Variants in HUWE1 observed in about 807,000 individuals in gnomAD.
The protein encoded by HUWE1 is E3 ubiquitin-protein ligase HUWE1.
HUWE1 carries 18 observed loss-of-function variants against 299.4 expected under a neutral mutation model. That is an observed-to-expected ratio of 0.06 (90% CI 0.04 to 0.09). HUWE1 has a LOEUF of 0.09. HUWE1 is among the 10% of genes least tolerant of loss of function. HUWE1 has a pLI of 1.00. For synonymous variants in HUWE1, 1,317 were observed against 1,286.1 expected (o/e 1.02, Z -0.51); for missense variants, 1,832 against 3,462.3 (o/e 0.53, Z 11.82).
chrX:53,601,297 T>C (rs1222714769), intron 28 of HUWE1, among the ~76,000 whole-genome samples: 2 of 109,466 alleles, frequency 1.8e-5, no homozygotes, highest in South Asian at 8.0e-4. Context: ...TCCTCCCACC[T>C]CAGCCTCCCT....
At chrX:53,674,644 T>C in intron 3 of HUWE1, among the ~76,000 whole-genome samples, 1 of 112,179 alleles carries the variant, frequency 8.9e-6, no homozygotes, top group Non-Finnish European at 1.9e-5. Context: ...CAAAACTCTG[T>C]GACATTCTCT....
At chrX:53,575,566 G>A in intron 45 of HUWE1, 77 bp downstream of exon 45, 5 of 1,012,630 alleles carry the variant, frequency 4.9e-6, no homozygotes, top group Non-Finnish European at 5.6e-6. Flanking sequence ...AATTCCCCGG[G>A]GATAGCCCTA....
Position 53,643,106 on chromosome X carries a change from G to A in HUWE1, c.504+2205C>T, listed in dbSNP as rs1178860075. 2.7e-5 allele frequency among the ~76,000 whole-genome samples: 3 copies of A among 112,166 alleles called. No individual in the cohort carries two copies. In the Admixed American group the frequency reaches 2.8e-4, roughly 11 times the overall value. ...GCAGTGTGTTGATTTATATTCTAGTGTAAGGGCCTAAGGAGTAGCCTGGAG... is the reference window on the plus strand; with the variant it reads ...GCAGTGTGTTGATTTATATTCTAGTATAAGGGCCTAAGGAGTAGCCTGGAG... On this transcript the variant is annotated intron_variant, in intron 7 of 83. Coordinates refer to ENST00000262854, the MANE Select transcript of HUWE1 (RefSeq NM_031407.7).
intron 49 of HUWE1, among the ~76,000 whole-genome samples, chrX:53,566,549 C>G (rs187891623): frequency 9.0e-6 from 1 of 111,070 alleles, no homozygotes; most frequent in East Asian, 2.8e-4. Flanking sequence ...AAGTGGAAAT[C>G]TAACAGAAAC....
At chrX:53,617,532 A>G in intron 19 of HUWE1, 86 bp from the exon 20 acceptor site, 1 of 574,692 alleles carries the variant, frequency 1.7e-6, no homozygotes, top group Non-Finnish European at 3.0e-6. Flanking sequence ...AAAAAAATAC[A>G]TACTCAATGT....
intron 17 of HUWE1, 38 bp from the exon 18 acceptor site, chrX:53,625,296 C>A: frequency 1.1e-6 from 1 of 929,628 alleles, no homozygotes; most frequent in South Asian, 2.0e-5. Flanking sequence ...ATGCTGAGTT[C>A]GCCATTAAAC....
chrX:53,587,878 C>T (rs980311406), intron 37 of HUWE1, among the ~76,000 whole-genome samples: 4 of 111,835 alleles, frequency 3.6e-5, no homozygotes, highest in Non-Finnish European at 7.5e-5. Context: ...CCAAACCACT[C>T]TCTTGCCTCA....
intron 67 of HUWE1, 129 bp from the exon 68 acceptor site, chrX:53,548,402 A>T: frequency 1.3e-6 from 1 of 774,389 alleles, no homozygotes; most frequent in East Asian, 3.5e-5. Flanking sequence ...GGGATATGTC[A>T]TATAAGAGTT....
At chrX:53,539,246 C>T (rs1259687109) in intron 75 of HUWE1, among the ~76,000 whole-genome samples, 166 bp from the exon 76 acceptor site, 10 of 102,368 alleles carry the variant, frequency 9.8e-5, no homozygotes, top group Non-Finnish European at 2.0e-4. Context: ...TTTGGGAGGC[C>T]GAGGTGGGAA....
In HUWE1 at chrX:53,583,778, C is replaced by T; in HGVS notation, c.5300G>A (p.Gly1767Glu). ...CAAAGTATCTGGGTCCACAGGGACT[C>T]CCAGCATGCTCACGCAGGCCCGGAT... Reference protein sequence around the residue: ...VLIRACVSMLGVPVDPDTLHA... With the variant: ...VLIRACVSMLEVPVDPDTLHA... Residue 1767 changes from glycine (G) to glutamate (E), a missense_variant, in exon 42 of 84, where the codon GGA becomes GAA. This residue lies in a region of HUWE1 where 50 missense variants were observed against 114.9 expected (regional missense o/e 0.44). Coordinates refer to ENST00000262854, the MANE Select transcript of HUWE1 (RefSeq NM_031407.7). 2.5e-6 allele frequency: 3 copies of T among 1,209,928 alleles called. No individual in the cohort carries two copies. The highest frequency in any genetic ancestry group is 3.4e-6 in the Non-Finnish European group (3 of 894,408).
At chrX:53,615,319 C>T (rs893657885) in intron 22 of HUWE1, among the ~76,000 whole-genome samples, 1 of 109,527 alleles carries the variant, frequency 9.1e-6, no homozygotes, top group East Asian at 2.8e-4. Flanking sequence ...CCTCCGCCTC[C>T]CGAGTTCAAG....
In HUWE1 at chrX:53,535,368, G is replaced by C. The variant is rs190851126; in HGVS notation, c.12649+16C>G. On this transcript the variant is annotated intron_variant, in intron 81 of 83. Coordinates refer to ENST00000262854, the MANE Select transcript of HUWE1 (RefSeq NM_031407.7). ...CTCATATTGAGCAACTAGAGGTCTA[G>C]GAACATTTCCCCTACCTGTCATTCT... 1.7e-3 allele frequency: 1,778 copies of C among 1,032,290 alleles called. 33 individuals carry two copies. In the Middle Eastern group the frequency reaches 0.07, roughly 40 times the overall value. 85.1% of individuals were successfully genotyped at this position (1,032,290 alleles called of 1,213,427 possible). A position where few individuals can be genotyped will look rare whatever the true frequency, so the allele number is the denominator to read the frequency against.
At chrX:53,642,513 CA>C (rs1331572010) in intron 7 of HUWE1, among the ~76,000 whole-genome samples, 2 of 111,714 alleles carry the variant, frequency 1.8e-5, no homozygotes, top group African/African-American at 6.5e-5. Context: ...CTCACTACCA[CA>C]AATGATGATG....
chrX:53,579,185 C>T (rs1157130271), intron 43 of HUWE1, among the ~76,000 whole-genome samples: 2 of 5,959 alleles, frequency 3.4e-4, no homozygotes, highest in Admixed American at 3.0e-3. Flanking sequence ...CCGCCCCGTC[C>T]GGGAGGGAGG....
rs2068150980 is a variant in HUWE1, at chrX:53,647,721, C to T, written c.145-147G>A. ...CCTTGCCCATATGAGAAAGATCATACTCTGAGCTAAAAGTGCTGTAGTTCA... is the reference window on the plus strand; with the variant it reads ...CCTTGCCCATATGAGAAAGATCATATTCTGAGCTAAAAGTGCTGTAGTTCA... On this transcript the variant is annotated intron_variant, in intron 5 of 83. Coordinates refer to ENST00000262854, the MANE Select transcript of HUWE1 (RefSeq NM_031407.7). 2.3e-5 allele frequency: 12 copies of T among 523,870 alleles called. No homozygotes were observed. In the East Asian group the frequency reaches 4.1e-4, roughly 18 times the overall value. 43.2% of individuals were successfully genotyped at this position (523,870 alleles called of 1,213,427 possible).
In HUWE1 at chrX:53,614,655, G is replaced by C; in HGVS notation, c.2140C>G (p.Pro714Ala). The C allele has an allele frequency of 1.7e-6, 2 of 1,206,248 alleles. No homozygotes were observed. Among genetic ancestry groups the C allele is most frequent in the Non-Finnish European group, 2.2e-6 (2 of 890,510 alleles). ...GCGGCATGATTAGACCTTGGGGGAG[G>C]AGCAGTGGCAGTGCCATCTGCCTTC... ...IQKADGTATA[P>A]PPRSNHAAEE... The change falls in exon 23 of 84, where the codon CCT becomes GCT. Residue 714 changes from proline to alanine, a missense_variant. Physicochemically the swap from Pro to Ala is conservative, Grantham distance 27. This residue lies in a region of HUWE1 where 658 missense variants were observed against 1,282.6 expected (regional missense o/e 0.51). Coordinates refer to ENST00000262854, the MANE Select transcript of HUWE1 (RefSeq NM_031407.7).
At position 53,564,595 on chromosome X, in the gene HUWE1, C is replaced by T. The variant is rs782550134; in HGVS notation, c.7008G>A (p.Val2336=). 1 of 1,211,041 alleles carries T rather than the reference C, an allele frequency of 8.3e-7. No homozygotes were observed. The highest frequency in any genetic ancestry group is 1.8e-5 in the South Asian group (1 of 56,929). ...CTACCTGCATCTCTTGTGAACTGAG[C>T]ACCTCAGGCTGCCCAGCAATCACCA... is the stretch of plus-strand genomic sequence containing the variant. The part of the protein sequence containing the change: ...DSVVIAGQPE[V]LSSQEMQVEN... The change falls in exon 51 of 84, where the codon GTG becomes GTA. Residue 2336 remains valine, a synonymous_variant. Coordinates refer to ENST00000262854, the MANE Select transcript of HUWE1 (RefSeq NM_031407.7).
At chrX:53,635,059 A>AAT (rs2067118896) in intron 7 of HUWE1, among the ~76,000 whole-genome samples, 1 of 110,891 alleles carries the variant, frequency 9.0e-6, no homozygotes, top group African/African-American at 3.3e-5. Context: ...ATATGTAAAA[A>AAT]ATATATATCT....
At chrX:53,542,361 T>C (rs2061380177) in intron 74 of HUWE1, 82 bp downstream of exon 74, 3 of 663,398 alleles carry the variant, frequency 4.5e-6, no homozygotes, top group Non-Finnish European at 5.0e-6. Context: ...GGCTTATATA[T>C]GCTGGGAGCA....
Sources: gnomAD v4.1 joint callset for allele counts (sites outside exome capture counted in the v4.1 genomes callset) on GRCh38, gnomAD v4.1.1 for gene constraint, gnomAD v4.1.1 regional missense constraint, MANE v1.5 for transcripts, NCBI Gene and HGNC (gene_info 2026-07-23, HGNC 2026-07-21) for gene names.